Variants in RORA observed in about 807,000 individuals in gnomAD.
RORA encodes the protein nuclear receptor ROR-alpha.
Under a neutral mutation model 69.5 loss-of-function variants are expected in RORA, and 7 were observed. That is an observed-to-expected ratio of 0.10 (90% confidence interval 0.06 to 0.19). The LOEUF is 0.19. RORA is among the 10% of genes least tolerant of loss of function. The probability of loss-of-function intolerance (pLI) is 1.00; values close to 1 mark genes in which losing one functional copy is unlikely to be tolerated. For synonymous variants in RORA, 261 were observed against 240.8 expected, an observed-to-expected ratio of 1.08 and a Z score of -0.78; for missense variants, 457 against 663.0, an observed-to-expected ratio of 0.69 and a Z score of 3.41.
chr15:60,977,402 T>C (rs1292760826), intron 1 of RORA, among the ~76,000 whole-genome samples: 3 of 152,184 alleles, frequency 2.0e-5, no homozygotes, highest in Non-Finnish European at 4.4e-5. Context: ...TAAGTAAGTA[T>C]ATAATTATAC....
chr15:60,535,756 C>T (rs1391401534), intron 2 of RORA, among the ~76,000 whole-genome samples: 1 of 152,064 alleles, frequency 6.6e-6, no homozygotes, highest in Non-Finnish European at 1.5e-5. Flanking sequence ...GAGTAGTGAT[C>T]TCTCAATAAT....
intron 2 of RORA, among the ~76,000 whole-genome samples, chr15:60,542,288 T>G (rs922219446): frequency 8.5e-5 from 13 of 152,058 alleles, no homozygotes; most frequent in Admixed American, 3.3e-4. Flanking sequence ...TTAATGCCAA[T>G]AGCTGCTACC....
intron 2 of RORA, among the ~76,000 whole-genome samples, chr15:60,614,606 C>G (rs937121934): frequency 1.3e-5 from 2 of 152,090 alleles, no homozygotes; most frequent in Admixed American, 6.5e-5. Context: ...GCTTCTGTGT[C>G]GGTTCTATGA....
chr15:60,978,400 C>T (rs890069409), intron 1 of RORA, among the ~76,000 whole-genome samples: 2 of 152,068 alleles, frequency 1.3e-5, no homozygotes, highest in African/African-American at 4.8e-5. Flanking sequence ...TTCAAGAGTT[C>T]TTACATATTT....
chr15:61,008,456 A>G (rs1208372983), intron 1 of RORA, among the ~76,000 whole-genome samples: 1 of 152,118 alleles, frequency 6.6e-6, no homozygotes, highest in Non-Finnish European at 1.5e-5. Flanking sequence ...TCAAGAACGC[A>G]TGAACAGGAA....
intron 1 of RORA, chr15:60,681,732 A>T (rs1305567108): frequency 6.6e-6 from 1 of 152,176 alleles, no homozygotes; most frequent in Non-Finnish European, 1.5e-5. Flanking sequence ...TAGAGGTTAC[A>T]AGATTCCTGT....
In RORA at chr15:61,116,665, T is replaced by C. The variant is rs1028584014; in HGVS notation, c.166+112388A>G. The stretch of plus-strand genomic sequence containing the variant: ...AGGAAGAAGCAAAGACTGAAAACAT[T>C]GACGAGCTTTCCTCAGGCTCTGAGA... On this transcript the variant is annotated intron_variant, in intron 1 of 10. Coordinates refer to ENST00000335670, the MANE Select transcript of RORA (RefSeq NM_134261.3). 7.9e-5 allele frequency among the ~76,000 whole-genome samples: 12 copies of C among 152,318 alleles called. No homozygotes were observed. In the South Asian group the frequency reaches 1.0e-3, roughly 13 times the overall value.
chr15:60,775,454 G>C (rs770600806), intron 1 of RORA, among the ~76,000 whole-genome samples: 1 of 152,294 alleles, frequency 6.6e-6, no homozygotes, highest in Non-Finnish European at 1.5e-5. Context: ...CAATTAACAC[G>C]TTCCTTTTTC....
intron 2 of RORA, among the ~76,000 whole-genome samples, chr15:60,606,992 T>C (rs897529988): frequency 2.0e-5 from 3 of 152,258 alleles, no homozygotes; most frequent in African/African-American, 4.8e-5. Flanking sequence ...TTTTCTCTTA[T>C]GTAAGACATA....
At chr15:60,646,988 G>A (rs572862756) in intron 2 of RORA, among the ~76,000 whole-genome samples, 1 of 152,342 alleles carries the variant, frequency 6.6e-6, no homozygotes, top group African/African-American at 2.4e-5. Context: ...TCAGTAACCT[G>A]TTGGTAGGAG....
intron 3 of RORA, among the ~76,000 whole-genome samples, chr15:60,521,288 C>G (rs1049330034): frequency 4.7e-5 from 7 of 150,046 alleles, no homozygotes; most frequent in African/African-American, 1.7e-4. Flanking sequence ...CGTCACCAGG[C>G]TGGAGTGCAG....
chr15:60,765,001 A>G (rs1255545117), intron 1 of RORA: 1 of 152,068 alleles, frequency 6.6e-6, no homozygotes, highest in Non-Finnish European at 1.5e-5. Flanking sequence ...CACAAAGGAC[A>G]GCATCATGTG....
chr15:61,229,190 G>A lies in RORA; in HGVS notation c.29C>T (p.Pro10Leu). MESAPAAPD[P>L]AASEPGSSGA... ...GCTGCTGCCTGGCTCGCTGGCGGCG[G>A]GGTCGGGGGCTGCCGGAGCTGACTC... The change falls in exon 1 of 11, where the codon CCC becomes CTC. Residue 10 changes from proline to leucine, a missense_variant. By Grantham distance (98) the Pro-to-Leu change is moderately conservative (BLOSUM62 -3). Around this residue, in one of 3 missense-constraint regions of RORA, gnomAD observed 119 missense variants for 92.4 expected, o/e 1.29. Transcript: ENST00000335670. 8 of 1,554,346 alleles carry A rather than the reference G, an allele frequency of 5.1e-6. No homozygotes were observed. Among genetic ancestry groups the A allele is most frequent in the Non-Finnish European group, 6.9e-6 (8 of 1,152,256 alleles).
chr15:60,996,500 C>A (rs1172821034), intron 1 of RORA, among the ~76,000 whole-genome samples: 2 of 151,926 alleles, frequency 1.3e-5, no homozygotes, highest in Admixed American at 6.6e-5. Flanking sequence ...AATTTTAGGT[C>A]TTTTGTTTCA....
intron 1 of RORA, among the ~76,000 whole-genome samples, chr15:60,753,886 G>A (rs879599011): frequency 1.4e-4 from 22 of 152,162 alleles, no homozygotes; most frequent in Non-Finnish European, 2.6e-4. Context: ...TATCCCGTTT[G>A]ATCCTTGTAA....
chr15:61,105,699 CAG>C (rs1353802198), intron 1 of RORA, among the ~76,000 whole-genome samples: 1 of 152,206 alleles, frequency 6.6e-6, no homozygotes. Context: ...AGCTCTAGCT[CAG>C]AGTCCTAGGT....
At chr15:60,701,515 C>T (rs1265824317) in intron 1 of RORA, among the ~76,000 whole-genome samples, 3 of 152,122 alleles carry the variant, frequency 2.0e-5, no homozygotes, top group Non-Finnish European at 4.4e-5. Flanking sequence ...TGGAACTCAC[C>T]GACGTACTGC....
intron 1 of RORA, among the ~76,000 whole-genome samples, chr15:61,135,783 G>T (rs949870230): frequency 6.6e-6 from 1 of 152,102 alleles, no homozygotes; most frequent in Non-Finnish European, 1.5e-5. Flanking sequence ...AACAGACACC[G>T]AGCATCACTG....
At position 60,905,042 on chromosome 15, in the gene RORA, G is replaced by A. The variant is rs957963020; in HGVS notation, c.167-226356C>T. Among the ~76,000 whole-genome samples the A allele has an allele frequency of 1.3e-5, 2 of 152,154 alleles. No homozygotes were observed. Among genetic ancestry groups the A allele is most frequent in the Non-Finnish European group, 1.5e-5 (1 of 68,030 alleles). Reference sequence around the variant, plus strand: ...GAAGGACTGCATTACCTGAACAAACGGGTGAGGGCTTGAGGCTCTGGGGGC... The same window carrying A: ...GAAGGACTGCATTACCTGAACAAACAGGTGAGGGCTTGAGGCTCTGGGGGC... On this transcript the variant is annotated intron_variant, in intron 1 of 10. Coordinates refer to ENST00000335670, the MANE Select transcript of RORA (RefSeq NM_134261.3). The surrounding 1 kb of genome is among the most constrained non-coding windows in gnomAD (Gnocchi z 4.8).
Sources: allele counts gnomAD v4.1 joint callset (sites outside exome capture counted in the v4.1 genomes callset), GRCh38; gene constraint gnomAD v4.1.1; regional missense constraint gnomAD v4.1.1; non-coding constraint Gnocchi (gnomAD v3.1); transcripts MANE v1.5; gene names NCBI Gene and HGNC (gene_info 2026-07-23, HGNC 2026-07-21).